SYT1: variants seen among roughly 807,000 people sequenced by gnomAD.
SYT1 encodes synaptotagmin-1.
Under a neutral mutation model 44.8 loss-of-function variants are expected in SYT1, and 8 were observed. The ratio of observed to expected loss-of-function variants is 0.18; its 90% confidence interval spans 0.10 to 0.32. The LOEUF is 0.32. Ranked by LOEUF, SYT1 falls within the 10% of genes least tolerant of loss-of-function variation. SYT1 has a pLI of 1.00. For synonymous variants in SYT1, 154 were observed against 188.8 expected (o/e 0.82, Z 1.51); for missense variants, 286 against 509.3 (o/e 0.56, Z 4.22).
At chr12:79,045,202 G>A (rs576250964) in intron 2 of SYT1, among the ~76,000 whole-genome samples, 40 of 152,330 alleles carry the variant, frequency 2.6e-4, no homozygotes, top group African/African-American at 8.9e-4. Context: ...GGGCAATGGC[G>A]GGCGCCCCTC....
At chr12:79,157,782 T>G (rs1372993571) in intron 3 of SYT1, among the ~76,000 whole-genome samples, 1 of 152,194 alleles carries the variant, frequency 6.6e-6, no homozygotes, top group Non-Finnish European at 1.5e-5. Context: ...TCTAAGTGAT[T>G]TAAGTATATT....
chr12:79,419,295 C>T (rs551313568), intron 9 of SYT1: 3 of 521,930 alleles, frequency 5.7e-6, no homozygotes, highest in Non-Finnish European at 1.2e-5. Flanking sequence ...AAAGAGAATT[C>T]CAAATGAGCT....
chr12:79,369,293 G>A (rs1883686725), intron 9 of SYT1, among the ~76,000 whole-genome samples: 1 of 151,992 alleles, frequency 6.6e-6, no homozygotes, highest in African/African-American at 2.4e-5. Context: ...ACCAGCCTGG[G>A]CAACATAGTG....
chr12:78,981,768 A>G (rs1869280829), intron 2 of SYT1, among the ~76,000 whole-genome samples: 3 of 152,224 alleles, frequency 2.0e-5, no homozygotes, highest in South Asian at 4.1e-4. Context: ...TTGAATACCT[A>G]CTATGTAGTC....
chr12:78,958,317 G>GTT (rs139992453), intron 1 of SYT1, among the ~76,000 whole-genome samples: 11 of 150,804 alleles, frequency 7.3e-5, no homozygotes, highest in African/African-American at 2.7e-4. Context: ...TCCTTGCCAT[G>GTT]TTTTTTTTTC....
At chr12:79,361,627 A>G (rs768187420) in intron 9 of SYT1, among the ~76,000 whole-genome samples, 1 of 152,190 alleles carries the variant, frequency 6.6e-6, no homozygotes, top group Non-Finnish European at 1.5e-5. Flanking sequence ...ATAACACCAG[A>G]CATTGAATAG....
intron 3 of SYT1, among the ~76,000 whole-genome samples, chr12:79,110,827 G>T (rs564270922): frequency 3.4e-4 from 52 of 152,186 alleles, no homozygotes; most frequent in Non-Finnish European, 6.5e-4. Context: ...CTCTTACCAA[G>T]TACGACCTGC....
At chr12:79,160,916 C>G (rs1030088230) in intron 3 of SYT1, among the ~76,000 whole-genome samples, 1 of 152,050 alleles carries the variant, frequency 6.6e-6, no homozygotes, top group African/African-American at 2.4e-5. Flanking sequence ...TGACAGACTG[C>G]ATTTATGATA....
chr12:78,896,275 A>T (rs1300375510), intron 1 of SYT1, among the ~76,000 whole-genome samples: 1 of 151,808 alleles, frequency 6.6e-6, no homozygotes, highest in East Asian at 1.9e-4. Context: ...GTGAATAACT[A>T]GTGCCCTTAC....
In SYT1 at chr12:79,450,141, A is replaced by C. The variant is rs2136214455; in HGVS notation, c.*1017A>C. On this transcript the variant is annotated 3_prime_UTR_variant, in exon 11 of 11. Coordinates refer to ENST00000261205, the MANE Select transcript of SYT1 (RefSeq NM_005639.3). ...TAATTCCAAAAGGTTTGCACATTAG[A>C]GTTTGTAACAAAATATTTTATTATA... is the stretch of plus-strand genomic sequence containing the variant. 2 of 152,682 alleles carry C rather than the reference A, an allele frequency of 1.3e-5. No homozygotes were observed. Among genetic ancestry groups the C allele is most frequent in the East Asian group, 3.9e-4 (2 of 5,188 alleles). 9.5% of individuals were successfully genotyped at this position (152,682 alleles called of 1,614,324 possible).
intron 10 of SYT1, 78 bp from the exon 11 acceptor site, chr12:79,448,840 T>C (rs1870876154): frequency 7.7e-7 from 1 of 1,298,532 alleles, no homozygotes; most frequent in Non-Finnish European, 1.1e-6. Context: ...TCCAATTCTT[T>C]AGCGCTCAAG....
At chr12:78,950,239 T>G (rs1477925473) in intron 1 of SYT1, among the ~76,000 whole-genome samples, 1 of 152,102 alleles carries the variant, frequency 6.6e-6, no homozygotes, top group Non-Finnish European at 1.5e-5. Flanking sequence ...TTTATATCAT[T>G]ACATATGAAC....
At chr12:78,933,442 TTGTTA>T (rs1565725097) in intron 1 of SYT1, among the ~76,000 whole-genome samples, 1 of 152,182 alleles carries the variant, frequency 6.6e-6, no homozygotes, top group East Asian at 1.9e-4. Flanking sequence ...AGGAAAATCA[TTGTTA>T]TGGCTTCTAT....
chr12:78,977,039 A>C (rs1868890927), intron 1 of SYT1, among the ~76,000 whole-genome samples: 1 of 152,118 alleles, frequency 6.6e-6, no homozygotes, highest in Non-Finnish European at 1.5e-5. Context: ...AGATGAATGC[A>C]ATAGGGAGTG....
intron 8 of SYT1, among the ~76,000 whole-genome samples, chr12:79,314,515 C>T (rs918364387): frequency 1.1e-4 from 16 of 152,142 alleles, no homozygotes; most frequent in African/African-American, 3.1e-4. Context: ...TAAGCTCTGA[C>T]ACCCCACAAA....
At chr12:79,350,541 C>G (rs547577776) in intron 8 of SYT1, among the ~76,000 whole-genome samples, 1 of 152,056 alleles carries the variant, frequency 6.6e-6, no homozygotes, top group Non-Finnish European at 1.5e-5. Context: ...CGTGAGCCAC[C>G]GCGCCCGGCC....
chr12:79,189,091 A>C (rs1872963674), intron 3 of SYT1, among the ~76,000 whole-genome samples: 1 of 152,162 alleles, frequency 6.6e-6, no homozygotes, highest in African/African-American at 2.4e-5. Context: ...TAACTGAGTA[A>C]AAAGATGACT....
intron 9 of SYT1, among the ~76,000 whole-genome samples, chr12:79,424,321 T>G (rs368692258): frequency 1.7e-4 from 26 of 152,156 alleles, no homozygotes; most frequent in East Asian, 9.6e-4. Context: ...TTCAAATGAA[T>G]CATGCTCTTT....
At chr12:79,093,661 A>G (rs767451022) in intron 3 of SYT1, among the ~76,000 whole-genome samples, 11 of 151,612 alleles carry the variant, frequency 7.3e-5, no homozygotes, top group Admixed American at 4.0e-4. Context: ...TCAGCTTTTT[A>G]TGTATCATTT....
Sources: allele counts gnomAD v4.1 joint callset (sites outside exome capture counted in the v4.1 genomes callset), GRCh38; gene constraint gnomAD v4.1.1; transcripts MANE v1.5; gene names NCBI Gene and HGNC (gene_info 2026-07-23, HGNC 2026-07-21).